Variants in RBFOX1 observed in about 807,000 individuals in gnomAD.
The protein encoded by RBFOX1 is RNA binding protein fox-1 homolog 1.
RBFOX1 carries 8 observed loss-of-function variants against 57.7 expected under a neutral mutation model. The ratio of observed to expected loss-of-function variants is 0.14; its 90% CI spans 0.08 to 0.25. The LOEUF (loss-of-function observed/expected upper bound fraction) is 0.25. RBFOX1 is among the 10% of genes least tolerant of loss of function. The probability of loss-of-function intolerance (pLI) is 1.00; values close to 1 mark genes in which losing one functional copy is unlikely to be tolerated. For missense variants in RBFOX1, 611 were observed against 548.5 expected (o/e 1.11, Z -1.14); for synonymous variants, 326 against 222.4 (o/e 1.47, Z -4.15).
intron 15 of RBFOX1, chr16:7,709,500 G>A (rs937003685): frequency 3.3e-6 from 5 of 1,499,430 alleles, no homozygotes; most frequent in Non-Finnish European, 4.4e-6. Flanking sequence ...ATAGCCCCAA[G>A]GTTCCAGCCC....
chr16:5,283,089 A>T (rs777671107), intron 1 of RBFOX1, among the ~76,000 whole-genome samples: 15 of 152,214 alleles, frequency 9.9e-5, no homozygotes, highest in Non-Finnish European at 1.8e-4. Context: ...GTAGGCTGTG[A>T]CTTCAGAGGG....
chr16:6,707,606 A>C (rs1397031077), intron 3 of RBFOX1, among the ~76,000 whole-genome samples: 1 of 151,866 alleles, frequency 6.6e-6, no homozygotes, highest in Non-Finnish European at 1.5e-5. Context: ...GACATACTGA[A>C]TTGAAGATGC....
intron 4 of RBFOX1, among the ~76,000 whole-genome samples, chr16:7,461,897 A>G (rs2059650223): frequency 6.6e-6 from 1 of 152,164 alleles, no homozygotes; most frequent in South Asian, 2.1e-4. Flanking sequence ...CATCCTTGGT[A>G]CCCACTCCAG....
intron 4 of RBFOX1, among the ~76,000 whole-genome samples, chr16:7,403,562 TCCC>T (rs33991020): frequency 1.7e-5 from 2 of 114,666 alleles, no homozygotes; most frequent in Non-Finnish European, 1.7e-5. Flanking sequence ...AATGAGAGAA[TCCC>T]CCCCCCCCCA....
chr16:6,636,483 T>A (rs1165814236), intron 2 of RBFOX1, among the ~76,000 whole-genome samples: 1 of 152,058 alleles, frequency 6.6e-6, no homozygotes, highest in Admixed American at 6.6e-5. Flanking sequence ...TTTTGGATTT[T>A]TAGATTGGGA....
At chr16:6,824,289 C>T (rs372556103) in intron 3 of RBFOX1, among the ~76,000 whole-genome samples, 24 of 152,152 alleles carry the variant, frequency 1.6e-4, no homozygotes, top group East Asian at 5.8e-4. Flanking sequence ...CCTGTAATCC[C>T]GGCTACTCAT....
At chr16:6,142,237 T>C (rs552237764) in intron 1 of RBFOX1, among the ~76,000 whole-genome samples, 1 of 149,076 alleles carries the variant, frequency 6.7e-6, no homozygotes, top group African/African-American at 2.5e-5. Context: ...TTTTTTTTTT[T>C]TGGAGACGGA....
intron 1 of RBFOX1, among the ~76,000 whole-genome samples, chr16:5,337,042 C>G (rs1415555524): frequency 6.6e-6 from 1 of 152,282 alleles, no homozygotes; most frequent in South Asian, 2.1e-4. Flanking sequence ...CAGCTGCACT[C>G]TTGGTATTTA....
chr16:5,424,516 G>C (rs2067452991), intron 1 of RBFOX1, among the ~76,000 whole-genome samples: 1 of 145,180 alleles, frequency 6.9e-6, no homozygotes, highest in Non-Finnish European at 1.5e-5. Flanking sequence ...CTAAAGATGG[G>C]TGGCGTTTTA....
intron 1 of RBFOX1, among the ~76,000 whole-genome samples, chr16:6,102,776 G>C (rs2096329623): frequency 6.6e-6 from 1 of 152,168 alleles, no homozygotes; most frequent in South Asian, 2.1e-4. Context: ...TGTGTCTCGT[G>C]ATTTTCATTT....
intron 3 of RBFOX1, among the ~76,000 whole-genome samples, chr16:6,665,904 A>C (rs1321833886): frequency 1.3e-5 from 2 of 151,906 alleles, no homozygotes; most frequent in Non-Finnish European, 2.9e-5. Flanking sequence ...CCCAAATCTC[A>C]TCTTGAATTG....
intron 5 of RBFOX1, among the ~76,000 whole-genome samples, chr16:7,573,609 C>T (rs898913398): frequency 2.0e-5 from 3 of 151,918 alleles, no homozygotes; most frequent in Admixed American, 6.6e-5. Context: ...CAAGGCAGGC[C>T]GATCACTTGA....
intron 4 of RBFOX1, among the ~76,000 whole-genome samples, chr16:7,150,789 T>C (rs574815705): frequency 6.6e-6 from 1 of 152,346 alleles, no homozygotes; most frequent in East Asian, 1.9e-4. Flanking sequence ...TTGTGGGTTA[T>C]TAATAATTTA....
At chr16:7,213,271 G>A (rs753695387) in intron 4 of RBFOX1, among the ~76,000 whole-genome samples, 4 of 152,070 alleles carry the variant, frequency 2.6e-5, no homozygotes, top group Non-Finnish European at 5.9e-5. Context: ...CCCCATTCTG[G>A]CTGCAACACA....
intron 1 of RBFOX1, among the ~76,000 whole-genome samples, chr16:6,034,710 G>C (rs1000903683): frequency 1.3e-5 from 2 of 152,152 alleles, no homozygotes; most frequent in African/African-American, 4.8e-5. Context: ...TCTTGTCATT[G>C]CTGTTTTTTT....
At chr16:5,962,692 T>C (rs993073795) in intron 4 of RBFOX1, among the ~76,000 whole-genome samples, 2 of 152,182 alleles carry the variant, frequency 1.3e-5, no homozygotes, top group East Asian at 3.8e-4. Context: ...ACTATTATTA[T>C]CATTAAGAGT....
intron 1 of RBFOX1, among the ~76,000 whole-genome samples, chr16:5,407,268 C>G (rs1044249705): frequency 7.2e-5 from 11 of 152,180 alleles, no homozygotes; most frequent in Non-Finnish European, 1.6e-4. Context: ...CCCACCAGGT[C>G]TCTCCTCAGC....
chr16:6,001,905 C>A (rs1195437584), intron 4 of RBFOX1, among the ~76,000 whole-genome samples: 1 of 151,990 alleles, frequency 6.6e-6, no homozygotes, highest in Non-Finnish European at 1.5e-5. Context: ...ATTCTTTACT[C>A]CCATGATTAC....
intron 1 of RBFOX1, among the ~76,000 whole-genome samples, chr16:5,465,453 G>C (rs181053496): frequency 4.4e-4 from 67 of 152,278 alleles, no homozygotes; most frequent in African/African-American, 1.5e-3. Flanking sequence ...GGAGTTTTGT[G>C]GGGCGGGGTG....
Sources: gnomAD v4.1 joint callset for allele counts (sites outside exome capture counted in the v4.1 genomes callset) on GRCh38, gnomAD v4.1.1 for gene constraint, MANE v1.5 for transcripts, NCBI Gene and HGNC (gene_info 2026-07-23, HGNC 2026-07-21) for gene names.